The following ANK3 variants were observed in gnomAD, a reference collection of about 807,000 sequenced individuals.
ANK3 encodes the protein ankyrin-3.
Under a neutral mutation model 370.9 loss-of-function variants are expected in ANK3, and 57 were observed. That is an observed-to-expected ratio of 0.15 (90% CI 0.12 to 0.19). ANK3 has a LOEUF of 0.19. ANK3 is among the 10% of genes least tolerant of loss of function. ANK3 has a pLI of 1.00. For synonymous variants in ANK3, 1,929 were observed against 1,946.3 expected, an observed-to-expected ratio of 0.99 and a Z score of 0.23; for missense variants, 4,439 against 5,302.1, an observed-to-expected ratio of 0.84 and a Z score of 5.06.
intron 2 of ANK3, among the ~76,000 whole-genome samples, chr10:60,546,799 A>G (rs188174018): frequency 6.6e-6 from 1 of 152,196 alleles, no homozygotes. Context: ...GAAAAGATCA[A>G]GAAAGTTTAT....
At chr10:60,043,371 A>G (rs2076438174) in intron 42 of ANK3, 3 of 984,298 alleles carry the variant, frequency 3.0e-6, no homozygotes, top group Admixed American at 6.1e-5. Context: ...TGTACTTCTG[A>G]TAAATTTTCA....
intron 28 of ANK3, among the ~76,000 whole-genome samples, chr10:60,088,763 T>C (rs2087376019): frequency 6.6e-6 from 1 of 151,874 alleles, no homozygotes; most frequent in African/African-American, 2.4e-5. Context: ...TTATACTCCA[T>C]AGCCTAAACA....
intron 1 of ANK3, among the ~76,000 whole-genome samples, chr10:60,628,978 C>T (rs754279033): frequency 1.3e-5 from 2 of 152,092 alleles, no homozygotes; most frequent in Non-Finnish European, 2.9e-5. Context: ...TAGGTATTTG[C>T]CATTTTATTG....
At chr10:60,323,112 T>A (rs1044291647) in intron 1 of ANK3, among the ~76,000 whole-genome samples, 4 of 151,964 alleles carry the variant, frequency 2.6e-5, no homozygotes, top group African/African-American at 9.7e-5. Flanking sequence ...GGAATTGAAG[T>A]GAGATGGGTA....
At chr10:60,441,162 A>G (rs2133008156) in intron 2 of ANK3, among the ~76,000 whole-genome samples, 1 of 152,348 alleles carries the variant, frequency 6.6e-6, no homozygotes, top group East Asian at 1.9e-4. Flanking sequence ...GGATTGTGAG[A>G]GACTATTTTC....
intron 2 of ANK3, among the ~76,000 whole-genome samples, chr10:60,453,482 A>G (rs1249219356): frequency 6.6e-6 from 1 of 152,182 alleles, no homozygotes; most frequent in Non-Finnish European, 1.5e-5. Flanking sequence ...TCCCAAACGT[A>G]TCTGTGCATG....
chr10:60,181,614 A>T (rs954522908), intron 17 of ANK3, among the ~76,000 whole-genome samples, 187 bp from the exon 18 acceptor site: 2 of 152,116 alleles, frequency 1.3e-5, no homozygotes, highest in African/African-American at 4.8e-5. Context: ...CATGAGTTTG[A>T]GACCAGCCTG....
intron 2 of ANK3, among the ~76,000 whole-genome samples, chr10:60,416,062 A>G (rs1423509418): frequency 6.6e-6 from 1 of 151,832 alleles, no homozygotes; most frequent in Non-Finnish European, 1.5e-5. Flanking sequence ...AAAATAAAAA[A>G]GACCCAAGAA....
chr10:60,541,737 C>T (rs573714830), intron 2 of ANK3, among the ~76,000 whole-genome samples: 13 of 151,938 alleles, frequency 8.6e-5, no homozygotes, highest in Admixed American at 2.0e-4. Flanking sequence ...TTTTGGCAAA[C>T]GAGGGAGTTC....
At chr10:60,122,188 C>A (rs2093519765) in intron 25 of ANK3, among the ~76,000 whole-genome samples, 1 of 152,252 alleles carries the variant, frequency 6.6e-6, no homozygotes, top group South Asian at 2.1e-4. Flanking sequence ...GGGCCTCTCC[C>A]TACCCCTTTA....
At chr10:60,255,290 T>G (rs1310158114) in intron 7 of ANK3, among the ~76,000 whole-genome samples, 1 of 152,170 alleles carries the variant, frequency 6.6e-6, no homozygotes, top group Admixed American at 6.5e-5. Context: ...GCTGAACATT[T>G]TGGTGACTCT....
intron 38 of ANK3, among the ~76,000 whole-genome samples, chr10:60,067,333 A>T (rs1439146415): frequency 1.3e-5 from 2 of 152,240 alleles, no homozygotes; most frequent in African/African-American, 4.8e-5. Flanking sequence ...AGATAATGCA[A>T]ATAATCCTTT....
intron 2 of ANK3, among the ~76,000 whole-genome samples, chr10:60,500,651 G>A (rs763025088): frequency 6.6e-6 from 1 of 152,154 alleles, no homozygotes; most frequent in Non-Finnish European, 1.5e-5. Flanking sequence ...TGGCACAGAA[G>A]CAACTGGGAT....
At chr10:60,490,107 C>T (rs1327748423) in intron 2 of ANK3, among the ~76,000 whole-genome samples, 1 of 152,168 alleles carries the variant, frequency 6.6e-6, no homozygotes, top group African/African-American at 2.4e-5. Flanking sequence ...AGGATGAGCC[C>T]AAGCTGGAGG....
chr10:60,038,977 C>A (rs2075626570), intron 43 of ANK3, among the ~76,000 whole-genome samples: 1 of 152,182 alleles, frequency 6.6e-6, no homozygotes. Flanking sequence ...GAGACCTTCC[C>A]TAGCCCCAAA....
At chr10:60,464,389 A>G (rs2064962732) in intron 2 of ANK3, among the ~76,000 whole-genome samples, 1 of 152,220 alleles carries the variant, frequency 6.6e-6, no homozygotes, top group Non-Finnish European at 1.5e-5. Flanking sequence ...AAAACAAGAT[A>G]ATAGTAGACA....
intron 11 of ANK3, among the ~76,000 whole-genome samples, chr10:60,204,360 A>T (rs968004628): frequency 6.6e-6 from 1 of 152,162 alleles, no homozygotes; most frequent in Non-Finnish European, 1.5e-5. Context: ...CCAAGAATTT[A>T]CTTTTATTTT....
Position 60,153,548 on chromosome 10 carries a change from A to G in ANK3, c.2614+13043T>C, listed in dbSNP as rs190588469. 9.2e-5 allele frequency among the ~76,000 whole-genome samples: 14 copies of G among 152,302 alleles called. No individual in the cohort carries two copies. In the East Asian group the frequency reaches 2.3e-3, roughly 25 times the overall value. On this transcript the variant is annotated intron_variant, in intron 23 of 43. Coordinates refer to ENST00000280772, the MANE Select transcript of ANK3 (RefSeq NM_020987.5). ...GAGATGGAGAAGGGTGAGAAAAGAC[A>G]CTATTTTCAAGGGGTATGTTTAGGT...
At chr10:60,675,692 C>T (rs1412311048) in intron 1 of ANK3, among the ~76,000 whole-genome samples, 1 of 152,192 alleles carries the variant, frequency 6.6e-6, no homozygotes, top group Non-Finnish European at 1.5e-5. Flanking sequence ...ACATATAGGA[C>T]AGAGCCAGAG....
Sources: allele counts gnomAD v4.1 joint callset (sites outside exome capture counted in the v4.1 genomes callset), GRCh38; gene constraint gnomAD v4.1.1; transcripts MANE v1.5; gene names NCBI Gene and HGNC (gene_info 2026-07-23, HGNC 2026-07-21).